The following RSRP1 variants were observed in gnomAD, a reference collection of about 807,000 sequenced individuals.
RSRP1 encodes arginine/serine-rich protein 1.
Under a neutral mutation model 33.0 loss-of-function variants are expected in RSRP1, and 37 were observed. The ratio of observed to expected loss-of-function variants is 1.12; its 90% confidence interval spans 0.86 to 1.48. The LOEUF (loss-of-function observed/expected upper bound fraction) is 1.48, where lower values mean the gene tolerates loss of function less well. RSRP1 is among the 40% of genes most tolerant of loss of function. RSRP1 has a pLI of 0.00. For synonymous variants in RSRP1, 167 were observed against 158.7 expected, an observed-to-expected ratio of 1.05 and a Z score of -0.40; for missense variants, 402 against 385.3, an observed-to-expected ratio of 1.04 and a Z score of -0.36.
chr1:25,310,974 A>G (rs1281310299), intron 1 of RSRP1, among the ~76,000 whole-genome samples: 2 of 114,406 alleles, frequency 1.7e-5, no homozygotes, highest in Non-Finnish European at 2.1e-5. Context: ...ACTCCATCTC[A>G]AAAAAAAAAA....
At chr1:25,285,569 C>T (rs1477685704) in intron 1 of RSRP1, among the ~76,000 whole-genome samples, 1 of 135,114 alleles carries the variant, frequency 7.4e-6, no homozygotes. Flanking sequence ...AGAACCATCA[C>T]AACTAATGTA....
At position 25,299,890 on chromosome 1, in the gene RSRP1, C is replaced by T. The variant is rs539666729; in HGVS notation, c.-67+38088G>A. On this transcript the variant is annotated intron_variant, in intron 1 of 1. Transcript: ENST00000561867. ...TCAGCCTCCCAGGTAGATAGGATTACAAGCAAGCATCACCACGCCTGGCTA... is the reference window on the plus strand; with the variant it reads ...TCAGCCTCCCAGGTAGATAGGATTATAAGCAAGCATCACCACGCCTGGCTA... Among the ~76,000 whole-genome samples the T allele has an allele frequency of 3.0e-5, 4 of 131,338 alleles. 1 individual carries two copies. Among genetic ancestry groups the T allele is most frequent in the Admixed American group, 1.5e-4 (2 of 13,516 alleles). The allele number at this position is 131,338 out of a possible 152,430, so 86.2% of individuals were successfully genotyped here.
intron 3 of RSRP1, chr1:25,244,437 G>A (rs1245605411): frequency 3.1e-6 from 4 of 1,289,210 alleles, no homozygotes. Context: ...TGATGCTTTA[G>A]CCCATGTATC....
chr1:25,257,622 T>G (rs1639988617), intron 1 of RSRP1, among the ~76,000 whole-genome samples: 1 of 142,716 alleles, frequency 7.0e-6, no homozygotes, highest in Admixed American at 7.1e-5. Context: ...TTTTTTTGAG[T>G]CAGAGTCTCG....
At chr1:25,255,776 T>C (rs1639927179) in intron 1 of RSRP1, among the ~76,000 whole-genome samples, 1 of 152,148 alleles carries the variant, frequency 6.6e-6, no homozygotes, top group South Asian at 2.1e-4. Context: ...AGCACTAGAT[T>C]GTCATAAGGA....
At chr1:25,254,598 G>GC in intron 1 of RSRP1, among the ~76,000 whole-genome samples, 1 of 151,998 alleles carries the variant, frequency 6.6e-6, no homozygotes, top group East Asian at 1.9e-4. Context: ...ACCATGCCAA[G>GC]TAATTTTTTG....
At chr1:25,251,388 G>C (rs1363899775), upstream of RSRP1, among the ~76,000 whole-genome samples, 1 of 148,782 alleles carries the variant, frequency 6.7e-6, no homozygotes, top group Non-Finnish European at 1.5e-5. Flanking sequence ...TTTCTTTTTT[G>C]AGACGGAGTT....
chr1:25,275,174 C>T (rs1407412572), intron 1 of RSRP1, among the ~76,000 whole-genome samples: 1 of 131,890 alleles, frequency 7.6e-6, no homozygotes, highest in African/African-American at 2.6e-5. Flanking sequence ...CCTGTAGTCC[C>T]AGCTGCTTGG....
Position 25,323,465 on chromosome 1 carries a change from AT to A in RSRP1, c.-67+14512del, listed in dbSNP as rs112639646. 4.2e-5 allele frequency among the ~76,000 whole-genome samples: 5 copies of A among 118,710 alleles called. 2 individuals carry two copies. Among genetic ancestry groups the A allele is most frequent in the African/African-American group, 1.5e-4 (5 of 34,392 alleles). The allele number at this position is 118,710 out of a possible 152,430, so 77.9% of individuals were successfully genotyped here. ...GTCACTAAGGTTTGCATTTTCTGTA[AT>A]TTTTTTGTTTGAGACAGGGTCTCAC... On this transcript the variant is annotated intron_variant, in intron 1 of 1. Coordinates refer to the RSRP1 transcript ENST00000561867.
chr1:25,244,932 A>T, intron 3 of RSRP1: 1 of 1,400,656 alleles, frequency 7.1e-7, no homozygotes, highest in South Asian at 1.5e-5. Flanking sequence ...CATCTGCCTC[A>T]TTACAGGCAT....
chr1:25,336,802 A>G (rs1273012016), intron 1 of RSRP1, among the ~76,000 whole-genome samples: 2 of 151,318 alleles, frequency 1.3e-5, no homozygotes, highest in African/African-American at 2.5e-5. Context: ...AACAATCACG[A>G]TAAACCTCCT....
In RSRP1 at chr1:25,291,763, G is replaced by A. The variant is rs558289695; in HGVS notation, c.-66-44734C>T. ...TGTCCTCTCATTGGGAGAGCCTGTC[G>A]AAAGTCTAAATTTGAAGGCAGCTGT... is the stretch of plus-strand genomic sequence containing the variant. On this transcript the variant is annotated intron_variant, in intron 1 of 1. Coordinates refer to the RSRP1 transcript ENST00000561867. 2.3e-4 allele frequency among the ~76,000 whole-genome samples: 31 copies of A among 132,566 alleles called. 9 individuals are homozygous for A. The highest frequency in any genetic ancestry group is 5.0e-4 in the Non-Finnish European group (28 of 55,920). 87.0% of individuals were successfully genotyped at this position (132,566 alleles called of 152,430 possible).
At chr1:25,304,586 A>G (rs897793872) in intron 1 of RSRP1, 3 of 129,082 alleles carry the variant, frequency 2.3e-5, no homozygotes, top group Non-Finnish European at 3.6e-5. Context: ...CGACAGAACA[A>G]GACTCTGTCT....
At chr1:25,247,475 G>A (rs956939345), upstream of RSRP1, 5 of 153,512 alleles carry the variant, frequency 3.3e-5, no homozygotes, top group African/African-American at 1.2e-4. Flanking sequence ...GTTAGCAGAC[G>A]CGTCAAAAGT....
chr1:25,247,719 G>A (rs1356762875), upstream of RSRP1: 1 of 152,372 alleles, frequency 6.6e-6, no homozygotes, highest in East Asian at 1.9e-4. Context: ...GACCGACCCA[G>A]TCACCAGAAA....
upstream of RSRP1, among the ~76,000 whole-genome samples, chr1:25,247,675 C>T (rs373874377): frequency 5.3e-5 from 8 of 152,314 alleles, no homozygotes; most frequent in South Asian, 4.1e-4. Flanking sequence ...GTCCCGTTGC[C>T]CTTGGCTTCC....
At chr1:25,249,233 G>A (rs1031230881), upstream of RSRP1, among the ~76,000 whole-genome samples, 1 of 151,576 alleles carries the variant, frequency 6.6e-6, no homozygotes, top group Admixed American at 6.6e-5. Context: ...GTATACTTAC[G>A]ATACAGTTTT....
At chr1:25,306,476 G>C in intron 1 of RSRP1, 1 of 966,390 alleles carries the variant, frequency 1.0e-6, no homozygotes, top group East Asian at 2.3e-5. Context: ...GGGCTTCTTT[G>C]AGGTGAGCCT....
chr1:25,293,334 T>C lies in RSRP1; in HGVS notation c.-67+44644A>G, dbSNP rs1394430031. On this transcript the variant is annotated intron_variant, in intron 1 of 1. Coordinates refer to the RSRP1 transcript ENST00000561867. ...TTGAGCACTGATACCTTTAGGCCGA[T>C]GCAGGGACAGTTCATCTTTTTTTTT... Among the ~76,000 whole-genome samples, 2 of 128,194 alleles carry C rather than the reference T, an allele frequency of 1.6e-5. 1 individual carries two copies. The highest frequency in any genetic ancestry group is 3.6e-5 in the Non-Finnish European group (2 of 54,922). 84.1% of individuals were successfully genotyped at this position (128,194 alleles called of 152,430 possible).
Sources: gnomAD v4.1 joint callset for allele counts (sites outside exome capture counted in the v4.1 genomes callset) on GRCh38, gnomAD v4.1.1 for gene constraint, MANE v1.5 for transcripts, NCBI Gene and HGNC (gene_info 2026-07-23, HGNC 2026-07-21) for gene names.